Variants in TTC17 observed in about 807,000 individuals in gnomAD.
TTC17 encodes tetratricopeptide repeat protein 17.
In TTC17, 58 loss-of-function variants were observed where a neutral mutation model predicts 143.8. The observed-to-expected ratio is 0.40, with a 90% CI of 0.33 to 0.50. The LOEUF is 0.50. Ranked by LOEUF, TTC17 falls within the 20% of genes least tolerant of loss-of-function variation. The probability of loss-of-function intolerance (pLI) is 0.49; values close to 1 mark genes in which losing one functional copy is unlikely to be tolerated. For missense variants in TTC17, 1,273 were observed against 1,392.5 expected (o/e 0.91, Z 1.37); for synonymous variants, 501 against 497.8 (o/e 1.01, Z -0.09).
intron 3 of TTC17, among the ~76,000 whole-genome samples, chr11:43,391,157 G>A (rs1857370633): frequency 6.6e-6 from 1 of 152,186 alleles, no homozygotes; most frequent in Non-Finnish European, 1.5e-5. Flanking sequence ...CCAGCACTTT[G>A]GGAGGCCAAG....
chr11:43,443,296 TTACTAACG>T, intron 16 of TTC17, 21 bp from the exon 17 acceptor site: 1 of 1,610,414 alleles, frequency 6.2e-7, no homozygotes, highest in Non-Finnish European at 8.5e-7. Context: ...TGTGTACCTT[TTACTAACG>T]TGCTGGCCCT....
intron 22 of TTC17, 168 bp from the exon 23 acceptor site, chr11:43,491,852 G>A: frequency 1.4e-6 from 1 of 716,356 alleles, no homozygotes; most frequent in Non-Finnish European, 2.2e-6. Flanking sequence ...TCTGGTACAA[G>A]CACCTTATCT....
intron 20 of TTC17, among the ~76,000 whole-genome samples, 195 bp downstream of exon 20, chr11:43,450,436 CT>C (rs1947635812): frequency 6.6e-6 from 1 of 152,090 alleles, no homozygotes; most frequent in African/African-American, 2.4e-5. Context: ...TTCTTTTTTT[CT>C]TTATGACCAT....
At chr11:43,366,947 C>T (rs1297513847) in intron 1 of TTC17, among the ~76,000 whole-genome samples, 1 of 152,144 alleles carries the variant, frequency 6.6e-6, no homozygotes, top group Non-Finnish European at 1.5e-5. Flanking sequence ...ATAATATAAA[C>T]ATCATTTTCT....
intron 16 of TTC17, among the ~76,000 whole-genome samples, chr11:43,442,850 A>T (rs1947454330): frequency 6.6e-6 from 1 of 152,188 alleles, no homozygotes; most frequent in South Asian, 2.1e-4. Context: ...TTCATGTAGA[A>T]TTAGGATAGT....
chr11:43,490,554 T>G (rs1029898591), intron 22 of TTC17, among the ~76,000 whole-genome samples, 196 bp downstream of exon 22: 2 of 152,180 alleles, frequency 1.3e-5, no homozygotes, highest in Non-Finnish European at 2.9e-5. Flanking sequence ...CCTTCCCAGC[T>G]TCAGCAGGTT....
At chr11:43,468,112 A>G (rs893588670) in intron 21 of TTC17, 1 of 152,248 alleles carries the variant, frequency 6.6e-6, no homozygotes, top group Non-Finnish European at 1.5e-5. Context: ...GATAGAGAAA[A>G]GAACTCACTT....
At chr11:43,373,354 C>T (rs1048692675) in intron 1 of TTC17, among the ~76,000 whole-genome samples, 4 of 146,584 alleles carry the variant, frequency 2.7e-5, no homozygotes, top group African/African-American at 5.1e-5. Flanking sequence ...GACAGAGTCT[C>T]GATCTGTCAC....
chr11:43,407,548 C>A lies in TTC17; in HGVS notation c.2035C>A (p.Leu679Ile), dbSNP rs745968558. The A allele has an allele frequency of 6.2e-7, 1 of 1,614,004 alleles. No individual in the cohort carries two copies. Among genetic ancestry groups the A allele is most frequent in the East Asian group, 2.2e-5 (1 of 44,864 alleles). Residue 679 changes from leucine to isoleucine, a missense_variant, in exon 15 of 24, where the codon CTT becomes ATT. Coordinates refer to ENST00000039989, the MANE Select transcript of TTC17 (RefSeq NM_018259.6). ...GLHLDATKLL[L>I]QALAINSSEP... Reference sequence around the variant, plus strand: ...TCATCTTGATGCCACTAAGCTGCTACTTCAAGCTTTGGCCATCAATAGCTC... The same window carrying A: ...TCATCTTGATGCCACTAAGCTGCTAATTCAAGCTTTGGCCATCAATAGCTC...
intron 7 of TTC17, 30 bp from the exon 8 acceptor site, chr11:43,397,939 TGTGTG>T: frequency 6.3e-7 from 1 of 1,593,974 alleles, no homozygotes; most frequent in Non-Finnish European, 8.5e-7. Context: ...TGTGTGTGTG[TGTGTG>T]TGTGTGTATG....
chr11:43,489,456 G>A (rs7128462), intron 21 of TTC17, among the ~76,000 whole-genome samples: 9 of 152,114 alleles, frequency 5.9e-5, no homozygotes, highest in African/African-American at 1.2e-4. Context: ...GTTATAATCC[G>A]GGTGGGCATG....
intron 1 of TTC17, chr11:43,378,884 A>C (rs1253396972): frequency 2.6e-5 from 6 of 228,032 alleles, no homozygotes; most frequent in Non-Finnish European, 5.2e-5. Flanking sequence ...TGTGCTATCA[A>C]AACAAGACAA....
intron 18 of TTC17, 54 bp from the exon 19 acceptor site, chr11:43,447,947 CT>C (rs1400099060): frequency 1.9e-6 from 3 of 1,598,302 alleles, no homozygotes; most frequent in Non-Finnish European, 8.5e-7. Context: ...GCATAAGGCC[CT>C]TTGGGTTCTC....
chr11:43,466,690 C>T (rs1649978238), intron 21 of TTC17: 2 of 369,456 alleles, frequency 5.4e-6, no homozygotes, highest in South Asian at 5.0e-5. Context: ...ATGGCAAATG[C>T]TGCACCCAAA....
At chr11:43,486,218 C>A (rs1467774080) in intron 21 of TTC17, among the ~76,000 whole-genome samples, 1 of 151,958 alleles carries the variant, frequency 6.6e-6, no homozygotes, top group Non-Finnish European at 1.5e-5. Flanking sequence ...TATTATGGTC[C>A]AAAAATATTA....
intron 16 of TTC17, among the ~76,000 whole-genome samples, chr11:43,416,103 A>T (rs1052835362): frequency 6.6e-6 from 1 of 152,152 alleles, no homozygotes; most frequent in Admixed American, 6.5e-5. Context: ...AGGTGCTCAG[A>T]ACTTTAAAGG....
chr11:43,393,488 A>G (rs1258003142), intron 5 of TTC17, among the ~76,000 whole-genome samples: 3 of 152,104 alleles, frequency 2.0e-5, no homozygotes, highest in Non-Finnish European at 4.4e-5. Context: ...GTGTTCACCA[A>G]CCCAGAAGCT....
At chr11:43,472,513 GTAAC>G (rs1199017425) in intron 21 of TTC17, among the ~76,000 whole-genome samples, 2 of 152,110 alleles carry the variant, frequency 1.3e-5, no homozygotes, top group African/African-American at 4.8e-5. Context: ...AAATTTATAT[GTAAC>G]TAATAGCATA....
At chr11:43,398,959 T>G (rs1030161467) in intron 8 of TTC17, among the ~76,000 whole-genome samples, 2 of 152,142 alleles carry the variant, frequency 1.3e-5, no homozygotes, top group African/African-American at 4.8e-5. Flanking sequence ...TCTTAATAAT[T>G]GAGCTGGCTC....
Sources: gnomAD v4.1 joint callset for allele counts (sites outside exome capture counted in the v4.1 genomes callset) on GRCh38, gnomAD v4.1.1 for gene constraint, MANE v1.5 for transcripts, NCBI Gene and HGNC (gene_info 2026-07-23, HGNC 2026-07-21) for gene names.